Variants in BMPR1A observed in about 807,000 individuals in gnomAD.
BMPR1A encodes bone morphogenetic protein receptor type 1A.
Under a neutral mutation model 66.0 loss-of-function variants are expected in BMPR1A, and 7 were observed. The ratio of observed to expected loss-of-function variants is 0.11; its 90% CI spans 0.06 to 0.20. The LOEUF (loss-of-function observed/expected upper bound fraction) is 0.20. Among genes scored for constraint, BMPR1A ranks in the 10% least tolerant of loss-of-function variants. BMPR1A has a pLI of 1.00. For missense variants in BMPR1A, 408 were observed against 669.1 expected (o/e 0.61, Z 4.31); for synonymous variants, 200 against 229.7 (o/e 0.87, Z 1.17).
intron 1 of BMPR1A, among the ~76,000 whole-genome samples, chr10:86,802,144 T>C (rs1841820634): frequency 6.6e-6 from 1 of 152,090 alleles, no homozygotes; most frequent in Non-Finnish European, 1.5e-5. Flanking sequence ...CACAGCTGGC[T>C]CTCCTGTGCC....
At chr10:86,787,454 G>A (rs906477178) in intron 1 of BMPR1A, among the ~76,000 whole-genome samples, 3 of 152,178 alleles carry the variant, frequency 2.0e-5, no homozygotes, top group Non-Finnish European at 2.9e-5. Flanking sequence ...TAGATTGGGA[G>A]TAAAAGGCAG....
chr10:86,806,161 G>A (rs1342512973), intron 1 of BMPR1A, among the ~76,000 whole-genome samples: 2 of 152,124 alleles, frequency 1.3e-5, no homozygotes, highest in Non-Finnish European at 2.9e-5. Flanking sequence ...AAATGACGAC[G>A]TGTCCTTCTA....
chr10:86,876,207 G>T, intron 3 of BMPR1A, 122 bp downstream of exon 3: 1 of 904,074 alleles, frequency 1.1e-6, no homozygotes. Context: ...CAGCTTTTAG[G>T]AAAGAAGCAA....
At chr10:86,796,187 A>G (rs1388790011) in intron 1 of BMPR1A, among the ~76,000 whole-genome samples, 2 of 152,068 alleles carry the variant, frequency 1.3e-5, no homozygotes, top group Admixed American at 1.3e-4. Flanking sequence ...GTTAGAATAT[A>G]TGCTTTTTTT....
intron 1 of BMPR1A, among the ~76,000 whole-genome samples, chr10:86,813,339 G>T (rs1280456003): frequency 1.3e-5 from 2 of 152,090 alleles, no homozygotes; most frequent in Non-Finnish European, 2.9e-5. Flanking sequence ...CTCACACCTG[G>T]AATATCTCCA....
chr10:86,903,994 G>A (rs928288346), intron 7 of BMPR1A, among the ~76,000 whole-genome samples: 1 of 152,160 alleles, frequency 6.6e-6, no homozygotes, highest in Admixed American at 6.5e-5. Flanking sequence ...TACTCCACCT[G>A]CTGGGTTCAA....
At chr10:86,763,815 G>A (rs1316785649) in intron 1 of BMPR1A, among the ~76,000 whole-genome samples, 10 of 126,118 alleles carry the variant, frequency 7.9e-5, no homozygotes, top group Non-Finnish European at 1.4e-4. Context: ...TTTTTGAGAC[G>A]GAGTCTCGCT....
chr10:86,868,872 A>G (rs1842818825), intron 2 of BMPR1A, among the ~76,000 whole-genome samples: 2 of 151,136 alleles, frequency 1.3e-5, no homozygotes, highest in African/African-American at 4.9e-5. Flanking sequence ...GAAATTATTT[A>G]TATTTGAGTA....
At chr10:86,908,461 TA>T (rs1329133417) in intron 7 of BMPR1A, among the ~76,000 whole-genome samples, 9 of 152,168 alleles carry the variant, frequency 5.9e-5, no homozygotes, top group Non-Finnish European at 1.0e-4. Flanking sequence ...CGATTTGGGT[TA>T]GGGTTTTGTT....
intron 1 of BMPR1A, among the ~76,000 whole-genome samples, chr10:86,820,669 C>CCGTG (rs1309514542): frequency 1.3e-5 from 2 of 152,176 alleles, no homozygotes; most frequent in Non-Finnish European, 2.9e-5. Flanking sequence ...GAGCTATGTA[C>CCGTG]CGTGCTCCTT....
intron 1 of BMPR1A, among the ~76,000 whole-genome samples, chr10:86,770,810 C>T (rs891703654): frequency 6.6e-6 from 1 of 152,190 alleles, no homozygotes. Context: ...ATTTGACCAA[C>T]CACAATTAGG....
chr10:86,777,160 G>A (rs940776499), intron 1 of BMPR1A, among the ~76,000 whole-genome samples: 1 of 152,054 alleles, frequency 6.6e-6, no homozygotes, highest in African/African-American at 2.4e-5. Flanking sequence ...AATATTCTCA[G>A]TACACTTGCC....
intron 1 of BMPR1A, among the ~76,000 whole-genome samples, chr10:86,782,581 GT>G (rs1422760336): frequency 1.3e-5 from 2 of 151,940 alleles, no homozygotes; most frequent in Non-Finnish European, 2.9e-5. Flanking sequence ...TTTGATGTGA[GT>G]TTTGCCGATG....
At chr10:86,917,039 T>A in intron 8 of BMPR1A, 95 bp from the exon 9 acceptor site, 1 of 1,362,130 alleles carries the variant, frequency 7.3e-7, no homozygotes, top group Non-Finnish European at 1.0e-6. Flanking sequence ...GTTGGTTGGG[T>A]ACACCATGCT....
intron 2 of BMPR1A, among the ~76,000 whole-genome samples, chr10:86,867,039 T>C (rs920616107): frequency 6.6e-6 from 1 of 152,078 alleles, no homozygotes; most frequent in East Asian, 1.9e-4. Flanking sequence ...CATATCTGAG[T>C]TTCTCTGATT....
At chr10:86,905,960 C>T (rs1843379642) in intron 7 of BMPR1A, among the ~76,000 whole-genome samples, 2 of 152,118 alleles carry the variant, frequency 1.3e-5, no homozygotes, top group African/African-American at 4.8e-5. Context: ...TCACTTTCAG[C>T]ACTCTCCATG....
chr10:86,886,011 T>G (rs1843062784), intron 3 of BMPR1A, among the ~76,000 whole-genome samples: 1 of 152,250 alleles, frequency 6.6e-6, no homozygotes, highest in African/African-American at 2.4e-5. Context: ...GTATATGTTT[T>G]CATTTTTTCC....
chr10:86,756,248 A>C (rs557292322), upstream of BMPR1A: 4 of 152,164 alleles, frequency 2.6e-5, no homozygotes, highest in African/African-American at 9.6e-5. Flanking sequence ...GCCGCGTTCC[A>C]TCGCGTGCTA....
intron 7 of BMPR1A, among the ~76,000 whole-genome samples, chr10:86,902,499 C>T (rs1843327814): frequency 6.6e-6 from 1 of 152,106 alleles, no homozygotes; most frequent in Admixed American, 6.5e-5. Flanking sequence ...GCTCTCTAAG[C>T]AATGGGTAGG....
Sources: allele counts gnomAD v4.1 joint callset (sites outside exome capture counted in the v4.1 genomes callset), GRCh38; gene constraint gnomAD v4.1.1; transcripts MANE v1.5; gene names NCBI Gene and HGNC (gene_info 2026-07-23, HGNC 2026-07-21).